Variants in IL17RD observed in about 807,000 individuals in gnomAD.
IL17RD encodes interleukin-17 receptor D.
Under a neutral mutation model 80.5 loss-of-function variants are expected in IL17RD, and 52 were observed. The observed-to-expected ratio is 0.65, with a 90% CI of 0.52 to 0.81. The LOEUF (loss-of-function observed/expected upper bound fraction) is 0.81, where lower values mean the gene tolerates loss of function less well. IL17RD is among the 40% of genes least tolerant of loss of function. The probability of loss-of-function intolerance (pLI) is 0.00; values close to 1 mark genes in which losing one functional copy is unlikely to be tolerated. For synonymous variants in IL17RD, 416 were observed against 391.8 expected, an observed-to-expected ratio of 1.06 and a Z score of -0.73; for missense variants, 1,024 against 955.1, an observed-to-expected ratio of 1.07 and a Z score of -0.95.
intron 2 of IL17RD, among the ~76,000 whole-genome samples, chr3:57,119,110 T>C (rs2107496922): frequency 6.6e-6 from 1 of 152,062 alleles, no homozygotes; most frequent in East Asian, 1.9e-4. Context: ...CCCAGCACTT[T>C]GGGAGGCCGA....
chr3:57,132,773 G>A (rs1006069257), intron 1 of IL17RD, among the ~76,000 whole-genome samples: 9 of 152,130 alleles, frequency 5.9e-5, no homozygotes, highest in African/African-American at 2.2e-4. Flanking sequence ...CAGTTGCACT[G>A]AATCAAGATA....
At chr3:57,143,269 C>G (rs530044361) in intron 1 of IL17RD, among the ~76,000 whole-genome samples, 63 of 152,304 alleles carry the variant, frequency 4.1e-4, no homozygotes, top group African/African-American at 1.5e-3. Context: ...GGGGCAGTAT[C>G]CTTTTTGAAG....
At chr3:57,105,552 A>AAAAAAAAAAAAAAAAATATATAT in intron 7 of IL17RD, among the ~76,000 whole-genome samples, 6 of 63,590 alleles carry the variant, frequency 9.4e-5, no homozygotes, top group African/African-American at 3.7e-4. Context: ...AAAAAAAAAA[A>AAAAAAAAAAAAAAAAATATATAT]ATATATATAT....
At chr3:57,138,428 C>A (rs1381748358) in intron 1 of IL17RD, among the ~76,000 whole-genome samples, 1 of 152,044 alleles carries the variant, frequency 6.6e-6, no homozygotes, top group Non-Finnish European at 1.5e-5. Flanking sequence ...GCGAGGTAGA[C>A]CAGATAGCCA....
At chr3:57,166,822 T>C (rs376593863), upstream of IL17RD, among the ~76,000 whole-genome samples, 41 of 152,300 alleles carry the variant, frequency 2.7e-4, no homozygotes, top group African/African-American at 9.1e-4. Context: ...CTCCTCTATA[T>C]GACTCTCCTT....
intron 1 of IL17RD, among the ~76,000 whole-genome samples, chr3:57,135,687 T>G (rs1186186761): frequency 2.0e-5 from 3 of 152,184 alleles, no homozygotes; most frequent in African/African-American, 7.2e-5. Flanking sequence ...GGGTGAAATA[T>G]GTAAGATCTA....
In IL17RD at chr3:57,099,603, G is replaced by A. The variant is rs372594703; in HGVS notation, c.1165-1065C>T. Among the ~76,000 whole-genome samples the A allele has an allele frequency of 1.4e-4, 22 of 152,314 alleles. No homozygotes were observed. The South Asian group carries it at 4.3e-3, about 30-fold the overall frequency. On this transcript the variant is annotated intron_variant, in intron 11 of 12. Coordinates refer to ENST00000296318, the MANE Select transcript of IL17RD (RefSeq NM_017563.5). Reference sequence around the variant, plus strand: ...AAGCCCCAACATCCATCCACTTGCTGAAAATAACCCTGAATTGTCTTATAC... The same window carrying A: ...AAGCCCCAACATCCATCCACTTGCTAAAAATAACCCTGAATTGTCTTATAC...
At chr3:57,148,637 T>G (rs1369959689) in intron 1 of IL17RD, among the ~76,000 whole-genome samples, 1 of 152,010 alleles carries the variant, frequency 6.6e-6, no homozygotes, top group Non-Finnish European at 1.5e-5. Flanking sequence ...TCAATGGGGG[T>G]CGAGGAGGTG....
At chr3:57,167,262 C>T (rs867997257), upstream of IL17RD, among the ~76,000 whole-genome samples, 1 of 152,050 alleles carries the variant, frequency 6.6e-6, no homozygotes, top group Non-Finnish European at 1.5e-5. Flanking sequence ...TGAGGTTTAC[C>T]ATACCCTCTT....
intron 8 of IL17RD, among the ~76,000 whole-genome samples, chr3:57,103,820 T>C (rs1706890675): frequency 6.6e-6 from 1 of 152,184 alleles, no homozygotes; most frequent in South Asian, 2.1e-4. Flanking sequence ...TGCTCCTGCC[T>C]CAGCCTCCTG....
At chr3:57,139,090 G>C (rs1462493744) in intron 1 of IL17RD, among the ~76,000 whole-genome samples, 1 of 151,978 alleles carries the variant, frequency 6.6e-6, no homozygotes. Context: ...AGGATTAAAA[G>C]GCAGGACGTC....
chr3:57,096,157 G>A lies in IL17RD; in HGVS notation c.*236C>T. On this transcript the variant is annotated 3_prime_UTR_variant, in exon 13 of 13. Transcript: ENST00000296318. Reference sequence around the variant, plus strand: ...GACTAACCAAATTTGGCAAGCTGTTGTCAGACCTTATGGACATGCCTTTCA... The same window carrying A: ...GACTAACCAAATTTGGCAAGCTGTTATCAGACCTTATGGACATGCCTTTCA... 1 of 507,804 alleles carries A rather than the reference G, an allele frequency of 2.0e-6. No homozygotes were observed. The highest frequency in any genetic ancestry group is 3.6e-6 in the Non-Finnish European group (1 of 279,774). The allele number at this position is 507,804 out of a possible 1,614,324, so 31.5% of individuals were successfully genotyped here. A position where few individuals can be genotyped will look rare whatever the true frequency, so the allele number is the denominator to read the frequency against.
rs1163313874 is a variant in IL17RD at position 57,091,370 on chromosome 3, T to C, written c.*5023A>G. ...AATGTGGCAGTCAAATAATTCTCAATGAATATAGGTGACATATCATTTTGT... is the reference window on the plus strand; with the variant it reads ...AATGTGGCAGTCAAATAATTCTCAACGAATATAGGTGACATATCATTTTGT... On this transcript the variant is annotated 3_prime_UTR_variant, in exon 13 of 13. Transcript: ENST00000296318. The C allele has an allele frequency of 6.6e-6, 1 of 152,398 alleles. No homozygotes were observed. Among genetic ancestry groups the C allele is most frequent in the African/African-American group, 2.4e-5 (1 of 41,244 alleles). 9.4% of individuals were successfully genotyped at this position (152,398 alleles called of 1,614,324 possible).
intron 11 of IL17RD, among the ~76,000 whole-genome samples, chr3:57,100,373 G>A (rs1706800023): frequency 6.6e-6 from 1 of 152,230 alleles, no homozygotes; most frequent in South Asian, 2.1e-4. Flanking sequence ...CAATCACACA[G>A]TTATTGTACA....
chr3:57,130,521 A>G (rs1456828725), intron 1 of IL17RD, among the ~76,000 whole-genome samples: 1 of 152,174 alleles, frequency 6.6e-6, no homozygotes, highest in African/African-American at 2.4e-5. Context: ...TGACCCTTCT[A>G]ATAAGTATCT....
intron 1 of IL17RD, among the ~76,000 whole-genome samples, chr3:57,161,638 G>T (rs1334813317): frequency 6.6e-6 from 1 of 151,906 alleles, no homozygotes; most frequent in Non-Finnish European, 1.5e-5. Flanking sequence ...CTCCCCCACT[G>T]CAGGAAAAGC....
At chr3:57,165,379 G>A (rs1434184332), upstream of IL17RD, 6 of 1,081,244 alleles carry the variant, frequency 5.5e-6, no homozygotes, top group Non-Finnish European at 6.9e-6. Flanking sequence ...CGGCCGCGGC[G>A]GCAGCGAAGG....
At chr3:57,146,020 C>A (rs1372120502) in intron 1 of IL17RD, among the ~76,000 whole-genome samples, 1 of 140,918 alleles carries the variant, frequency 7.1e-6, no homozygotes, top group East Asian at 2.2e-4. Context: ...CGTGCGCGCA[C>A]ACACACACTC....
intron 11 of IL17RD, 41 bp from the exon 12 acceptor site, chr3:57,098,579 G>C: frequency 7.3e-7 from 1 of 1,371,012 alleles, no homozygotes; most frequent in Middle Eastern, 1.9e-4. Flanking sequence ...CAGAAGGCTC[G>C]GGAAGAGGCT....
Sources: allele counts gnomAD v4.1 joint callset (sites outside exome capture counted in the v4.1 genomes callset), GRCh38; gene constraint gnomAD v4.1.1; transcripts MANE v1.5; gene names NCBI Gene and HGNC (gene_info 2026-07-23, HGNC 2026-07-21).